CNTN5: variants seen among roughly 807,000 people sequenced by gnomAD.
CNTN5 encodes contactin 5.
Under a neutral mutation model 129.1 loss-of-function variants are expected in CNTN5, and 77 were observed. The observed-to-expected ratio is 0.60, with a 90% CI of 0.50 to 0.72. CNTN5 has a LOEUF of 0.72. CNTN5 is among the 30% of genes least tolerant of loss of function. The pLI, the probability that CNTN5 is intolerant of heterozygous loss-of-function variation, is 0.00. For synonymous variants in CNTN5, 509 were observed against 465.6 expected (o/e 1.09, Z -1.20); for missense variants, 1,478 against 1,328.8 (o/e 1.11, Z -1.75).
chr11:99,714,072 A>G (rs908593262), intron 3 of CNTN5, among the ~76,000 whole-genome samples: 2 of 151,890 alleles, frequency 1.3e-5, no homozygotes, highest in Admixed American at 6.6e-5. Flanking sequence ...GAGGTTAAGA[A>G]TGGTGCATTA....
chr11:99,399,453 CATT>C (rs980424610), intron 2 of CNTN5, among the ~76,000 whole-genome samples: 3 of 151,458 alleles, frequency 2.0e-5, no homozygotes, highest in African/African-American at 4.8e-5. Context: ...ATATAATAAA[CATT>C]ATTATTAAAA....
intron 2 of CNTN5, among the ~76,000 whole-genome samples, chr11:99,471,503 G>A (rs1367068744): frequency 6.6e-6 from 1 of 152,060 alleles, no homozygotes; most frequent in Non-Finnish European, 1.5e-5. Context: ...AGGTTAGCTA[G>A]CGATTAAGAG....
intron 21 of CNTN5, among the ~76,000 whole-genome samples, chr11:100,331,476 C>T (rs114529225): frequency 6.7e-4 from 102 of 152,148 alleles, no homozygotes; most frequent in African/African-American, 2.4e-3. Flanking sequence ...AAACCTAGAA[C>T]AAATGGACCT....
intron 3 of CNTN5, among the ~76,000 whole-genome samples, chr11:99,739,342 A>G (rs1444503732): frequency 2.0e-5 from 3 of 152,164 alleles, no homozygotes; most frequent in Non-Finnish European, 4.4e-5. Context: ...ATTATTAAAT[A>G]TATAAAATCT....
intron 8 of CNTN5, among the ~76,000 whole-genome samples, chr11:99,972,446 A>C (rs1375075014): frequency 6.6e-6 from 1 of 152,152 alleles, no homozygotes; most frequent in East Asian, 1.9e-4. Flanking sequence ...CTGCGCCTCA[A>C]CCTTACCAGG....
chr11:100,028,992 C>A (rs564339861), intron 9 of CNTN5, among the ~76,000 whole-genome samples: 28 of 151,802 alleles, frequency 1.8e-4, no homozygotes, highest in Non-Finnish European at 3.5e-4. Flanking sequence ...TTTGGCATTC[C>A]TAACTAAGAA....
chr11:100,322,913 C>G (rs1951722610), intron 21 of CNTN5, among the ~76,000 whole-genome samples: 1 of 151,990 alleles, frequency 6.6e-6, no homozygotes, highest in South Asian at 2.1e-4. Flanking sequence ...TAGCACTTAC[C>G]TTAATCTATT....
In CNTN5 at chr11:99,651,127, C is replaced by T. The variant is rs996176769; in HGVS notation, c.55+94858C>T. 4.6e-5 allele frequency among the ~76,000 whole-genome samples: 7 copies of T among 151,978 alleles called. No homozygotes were observed. In the East Asian group the frequency reaches 1.2e-3, roughly 25 times the overall value. On this transcript the variant is annotated intron_variant, in intron 3 of 24. Coordinates refer to ENST00000524871, the MANE Select transcript of CNTN5 (RefSeq NM_014361.4). The stretch of plus-strand genomic sequence containing the variant: ...TTTTTAGAAAAGGAAAGTTGCTTAG[C>T]ATAAAATGCAAGATACAGGTGAATA...
intron 3 of CNTN5, among the ~76,000 whole-genome samples, chr11:99,724,740 A>G (rs1397610713): frequency 4.6e-5 from 7 of 152,216 alleles, no homozygotes; most frequent in African/African-American, 1.7e-4. Context: ...AGGAAGCTGA[A>G]TAACAGTATC....
chr11:99,472,894 T>C (rs957757568), intron 2 of CNTN5, among the ~76,000 whole-genome samples: 1 of 152,152 alleles, frequency 6.6e-6, no homozygotes, highest in South Asian at 2.1e-4. Context: ...TATGGCACCT[T>C]ATCCTTCTGT....
chr11:99,345,422 G>A (rs1937772558), intron 2 of CNTN5, among the ~76,000 whole-genome samples: 1 of 152,068 alleles, frequency 6.6e-6, no homozygotes, highest in African/African-American at 2.4e-5. Context: ...GCATCTTAAA[G>A]GCAACTTAAA....
intron 21 of CNTN5, among the ~76,000 whole-genome samples, chr11:100,321,941 G>C (rs145645446): frequency 7.3e-4 from 111 of 152,254 alleles, no homozygotes; most frequent in Non-Finnish European, 1.5e-3. Flanking sequence ...TGCCTTGCTA[G>C]TATTTTCTTG....
chr11:99,910,574 G>A (rs1430924757), intron 6 of CNTN5, among the ~76,000 whole-genome samples: 1 of 151,904 alleles, frequency 6.6e-6, no homozygotes, highest in African/African-American at 2.4e-5. Context: ...CTTTTGTCCT[G>A]GTATAGTTTT....
chr11:99,145,404 A>T (rs748353933), intron 1 of CNTN5, among the ~76,000 whole-genome samples: 1 of 150,968 alleles, frequency 6.6e-6, no homozygotes, highest in Non-Finnish European at 1.5e-5. Flanking sequence ...ATGTGTCTAT[A>T]GTGTTAGTTA....
At chr11:99,681,509 T>G (rs922645482) in intron 3 of CNTN5, among the ~76,000 whole-genome samples, 1 of 152,220 alleles carries the variant, frequency 6.6e-6, no homozygotes, top group East Asian at 1.9e-4. Context: ...GTGGAAGGCT[T>G]AGATGATAGC....
chr11:99,770,686 T>C (rs182140868), intron 3 of CNTN5, among the ~76,000 whole-genome samples: 1 of 152,152 alleles, frequency 6.6e-6, no homozygotes, highest in Non-Finnish European at 1.5e-5. Context: ...TTTCTCTAAA[T>C]ATTTTATTTT....
At chr11:99,391,799 A>G (rs1941274391) in intron 2 of CNTN5, among the ~76,000 whole-genome samples, 1 of 151,912 alleles carries the variant, frequency 6.6e-6, no homozygotes, top group Non-Finnish European at 1.5e-5. Flanking sequence ...TTTTGTATAA[A>G]TTTTTGTTTC....
chr11:99,099,076 C>T (rs1394630637), intron 1 of CNTN5, among the ~76,000 whole-genome samples: 4 of 152,156 alleles, frequency 2.6e-5, no homozygotes, highest in African/African-American at 7.2e-5. Context: ...TTGCATGGGC[C>T]AGCTGTGAAC....
At chr11:100,207,974 A>G (rs917719339) in intron 15 of CNTN5, among the ~76,000 whole-genome samples, 1 of 152,178 alleles carries the variant, frequency 6.6e-6, no homozygotes, top group African/African-American at 2.4e-5. Context: ...GCTGTTTCCA[A>G]CCACATTTAG....
Sources: gnomAD v4.1 joint callset for allele counts (sites outside exome capture counted in the v4.1 genomes callset) on GRCh38, gnomAD v4.1.1 for gene constraint, MANE v1.5 for transcripts, NCBI Gene and HGNC (gene_info 2026-07-23, HGNC 2026-07-21) for gene names.